Variants in NXPE2 observed in about 807,000 individuals in gnomAD.
NXPE2 encodes the protein NXPE family member 2.
A neutral mutation model predicts 34.4 loss-of-function variants in NXPE2; 34 were observed. The observed-to-expected ratio is 0.99, with a 90% CI of 0.75 to 1.31. The LOEUF is 1.31. Among genes scored for constraint, NXPE2 ranks in the 40% most tolerant of loss-of-function variants. NXPE2 has a pLI of 0.00. For synonymous variants in NXPE2, 235 were observed against 231.3 expected, an observed-to-expected ratio of 1.02 and a Z score of -0.15; for missense variants, 649 against 672.5, an observed-to-expected ratio of 0.97 and a Z score of 0.39.
At chr11:114,772,634 T>G in the NXPE2 span, among the ~76,000 whole-genome samples, 1 of 152,028 alleles carries the variant, frequency 6.6e-6, no homozygotes, top group South Asian at 2.1e-4. Flanking sequence ...GCTCACTGAA[T>G]CAAGCAGAGA....
the NXPE2 span, among the ~76,000 whole-genome samples, chr11:114,472,475 C>T: frequency 6.6e-6 from 1 of 152,182 alleles, no homozygotes; most frequent in Admixed American, 6.5e-5. Context: ...CATCCTGGGT[C>T]ACATGTGGCC....
the NXPE2 span, among the ~76,000 whole-genome samples, chr11:114,636,098 A>G: frequency 4.1e-4 from 2 of 4,820 alleles, no homozygotes; most frequent in Non-Finnish European, 7.3e-4. Flanking sequence ...CTGGTCCTGG[A>G]CTCTTTCGTT....
At chr11:114,610,200 C>T in the NXPE2 span, among the ~76,000 whole-genome samples, 3 of 151,814 alleles carry the variant, frequency 2.0e-5, no homozygotes, top group Non-Finnish European at 4.4e-5. Context: ...ACGTGGGTAG[C>T]CACTGTTACC....
chr11:114,534,667 C>T, the NXPE2 span, among the ~76,000 whole-genome samples: 1 of 152,088 alleles, frequency 6.6e-6, no homozygotes, highest in Non-Finnish European at 1.5e-5. Flanking sequence ...ATGTGATCAA[C>T]TGGAAGAAAG....
chr11:114,747,646 CA>C, the NXPE2 span, among the ~76,000 whole-genome samples: 2 of 152,082 alleles, frequency 1.3e-5, no homozygotes, highest in African/African-American at 4.8e-5. Context: ...AACTGCCAAG[CA>C]CTTTAAAACC....
the NXPE2 span, among the ~76,000 whole-genome samples, chr11:114,633,560 C>T: frequency 1.3e-5 from 2 of 151,026 alleles, no homozygotes; most frequent in African/African-American, 4.9e-5. Flanking sequence ...TGTGCTGCAC[C>T]CATTGACTCG....
At chr11:114,761,625 C>T in the NXPE2 span, among the ~76,000 whole-genome samples, 2 of 140,592 alleles carry the variant, frequency 1.4e-5, no homozygotes, top group South Asian at 4.6e-4. Context: ...GGACTGCGGA[C>T]GGCAGTGGCG....
chr11:114,640,178 T>C, the NXPE2 span, among the ~76,000 whole-genome samples: 1 of 134,652 alleles, frequency 7.4e-6, no homozygotes, highest in African/African-American at 2.7e-5. Flanking sequence ...AAATAATTTA[T>C]ATATTATATA....
chr11:114,562,541 T>C, the NXPE2 span, among the ~76,000 whole-genome samples: 8 of 152,210 alleles, frequency 5.3e-5, no homozygotes, highest in African/African-American at 1.4e-4. Context: ...CAAGTTCTGT[T>C]TGATATCAAA....
At chr11:114,758,475 T>C in the NXPE2 span, among the ~76,000 whole-genome samples, 1 of 152,174 alleles carries the variant, frequency 6.6e-6, no homozygotes, top group African/African-American at 2.4e-5. Context: ...AGTGAACTCA[T>C]TGAGATATGT....
the NXPE2 span, among the ~76,000 whole-genome samples, chr11:114,537,671 C>G: frequency 6.6e-6 from 1 of 152,038 alleles, no homozygotes; most frequent in Non-Finnish European, 1.5e-5. Context: ...TGAGTGAACT[C>G]CCATTCACAA....
chr11:114,519,970 G>GGCTGGGACTACAGGCGCTCGCCACCGTCC, the NXPE2 span, among the ~76,000 whole-genome samples: 1 of 112,732 alleles, frequency 8.9e-6, no homozygotes, highest in Non-Finnish European at 1.7e-5. Context: ...CGGCGAGCTT[G>GGCTGGGACTACAGGCGCTCGCCACCGTCC]CCCGCTAATT....
chr11:114,581,808 A>AT, the NXPE2 span: 1 of 1,540,798 alleles, frequency 6.5e-7, no homozygotes, highest in Non-Finnish European at 8.9e-7. Context: ...AAATACAGAA[A>AT]TTAATCTGTA....
At chr11:114,496,511 G>C in the NXPE2 span, among the ~76,000 whole-genome samples, 1 of 152,094 alleles carries the variant, frequency 6.6e-6, no homozygotes, top group African/African-American at 2.4e-5. Flanking sequence ...GTTCTTTATT[G>C]TATGGATAGT....
the NXPE2 span, among the ~76,000 whole-genome samples, chr11:114,757,630 A>T: frequency 2.0e-5 from 3 of 152,234 alleles, no homozygotes; most frequent in African/African-American, 7.2e-5. Flanking sequence ...ACTTCCTATG[A>T]TAAGATTTCA....
At chr11:114,771,618 C>T in the NXPE2 span, among the ~76,000 whole-genome samples, 4 of 152,092 alleles carry the variant, frequency 2.6e-5, no homozygotes, top group African/African-American at 9.7e-5. Flanking sequence ...CTCGTGAGTG[C>T]TCACTCTCAC....
At chr11:114,634,574 T>C in the NXPE2 span, among the ~76,000 whole-genome samples, 2 of 152,042 alleles carry the variant, frequency 1.3e-5, no homozygotes, top group African/African-American at 4.8e-5. Context: ...CTAGGTTTTC[T>C]TCTAGGGTTT....
the NXPE2 span, among the ~76,000 whole-genome samples, chr11:114,733,817 C>A: frequency 6.6e-6 from 1 of 152,152 alleles, no homozygotes; most frequent in Non-Finnish European, 1.5e-5. Flanking sequence ...ACTTGAATTA[C>A]CTCCAGAGCC....
At chr11:114,769,949 T>G in the NXPE2 span, among the ~76,000 whole-genome samples, 1 of 152,268 alleles carries the variant, frequency 6.6e-6, no homozygotes, top group Middle Eastern at 3.4e-3. Context: ...ACCCCAGAAC[T>G]TAAAGTATAA....
Sources: gnomAD v4.1 joint callset for allele counts (sites outside exome capture counted in the v4.1 genomes callset) on GRCh38, gnomAD v4.1.1 for gene constraint, MANE v1.5 for transcripts, NCBI Gene and HGNC (gene_info 2026-07-23, HGNC 2026-07-21) for gene names.